Variants in ACACA observed in about 807,000 individuals in gnomAD.
ACACA encodes acetyl-CoA carboxylase 1.
Under a neutral mutation model 296.1 loss-of-function variants are expected in ACACA, and 103 were observed. The observed-to-expected ratio is 0.35, with a 90% CI of 0.30 to 0.41. The LOEUF (loss-of-function observed/expected upper bound fraction) is 0.41, where lower values mean the gene tolerates loss of function less well. Among genes scored for constraint, ACACA ranks in the 10% least tolerant of loss-of-function variants. The pLI, the probability that ACACA is intolerant of heterozygous loss-of-function variation, is 1.00. For missense variants in ACACA, 1,554 were observed against 2,989.7 expected (o/e 0.52, Z 11.20); for synonymous variants, 953 against 1,038.6 (o/e 0.92, Z 1.58).
At chr17:37,306,727 C>T (rs1598447208) in intron 3 of ACACA, among the ~76,000 whole-genome samples, 1 of 151,408 alleles carries the variant, frequency 6.6e-6, no homozygotes, top group East Asian at 1.9e-4. Flanking sequence ...TGGAGTCTTG[C>T]TCTGTCACCC....
chr17:37,096,824 C>T (rs539669297), intron 54 of ACACA, among the ~76,000 whole-genome samples, 172 bp downstream of exon 54: 1 of 152,224 alleles, frequency 6.6e-6, no homozygotes, highest in African/African-American at 2.4e-5. Context: ...AACAAGATGT[C>T]GTGACATGAC....
chr17:37,157,589 G>A (rs2076303454), intron 42 of ACACA, among the ~76,000 whole-genome samples: 1 of 132,720 alleles, frequency 7.5e-6, no homozygotes, highest in Non-Finnish European at 1.5e-5. Context: ...AGGCAGGAGT[G>A]CAGTGGTGCG....
intron 25 of ACACA, among the ~76,000 whole-genome samples, chr17:37,234,202 G>C (rs2079999740): frequency 6.6e-6 from 1 of 152,186 alleles, no homozygotes; most frequent in Admixed American, 6.5e-5. Context: ...GCAGCAGCAA[G>C]GCAAATGCTC....
At chr17:37,347,993 T>G (rs2048710104) in intron 1 of ACACA, among the ~76,000 whole-genome samples, 1 of 151,494 alleles carries the variant, frequency 6.6e-6, no homozygotes, top group Non-Finnish European at 1.5e-5. Flanking sequence ...GCCAACAGGG[T>G]GAAACCCCAA....
At chr17:37,161,686 AT>A in intron 42 of ACACA, 94 bp downstream of exon 42, 1 of 1,454,008 alleles carries the variant, frequency 6.9e-7, no homozygotes, top group Middle Eastern at 2.3e-4. Context: ...ATAAGTGGTG[AT>A]TTTTGAACTT....
At chr17:37,296,146 A>G (rs2083316492) in intron 3 of ACACA, among the ~76,000 whole-genome samples, 1 of 152,064 alleles carries the variant, frequency 6.6e-6, no homozygotes, top group Admixed American at 6.6e-5. Flanking sequence ...ATCCTATGTA[A>G]AGGAAGAGGA....
intron 10 of ACACA, among the ~76,000 whole-genome samples, chr17:37,264,160 T>C (rs1390634888): frequency 2.0e-5 from 3 of 152,068 alleles, no homozygotes; most frequent in Non-Finnish European, 4.4e-5. Context: ...AACAACAAAA[T>C]ATTTGAAAAC....
At chr17:37,213,901 CT>C (rs2078868954) in intron 29 of ACACA, among the ~76,000 whole-genome samples, 1 of 152,076 alleles carries the variant, frequency 6.6e-6, no homozygotes, top group African/African-American at 2.4e-5. Flanking sequence ...TCCCTTCCAG[CT>C]GAATTTCATT....
In ACACA at chr17:37,171,604, C is replaced by T. The variant is rs572915962; in HGVS notation, c.5079+7656G>A. ...TTAAGTCAAATATTGTATTTTAAGC[C>T]TTATGGCTTACTTCAAAAATGGCTG... On this transcript the variant is annotated intron_variant, in intron 41 of 55. Transcript: ENST00000616317. Among the ~76,000 whole-genome samples the T allele has an allele frequency of 2.9e-4, 44 of 152,202 alleles. 1 individual carries two copies. The highest frequency in any genetic ancestry group is 1.0e-3 in the African/African-American group (42 of 41,548).
intron 1 of ACACA, among the ~76,000 whole-genome samples, chr17:37,342,128 G>A (rs2048393930): frequency 6.6e-6 from 1 of 151,792 alleles, no homozygotes; most frequent in Admixed American, 6.6e-5. Flanking sequence ...ATATCATGTG[G>A]CCAGGCGCAG....
chr17:37,201,463 T>C (rs2078245394), intron 33 of ACACA, among the ~76,000 whole-genome samples: 1 of 150,328 alleles, frequency 6.7e-6, no homozygotes, highest in South Asian at 2.1e-4. Context: ...CAGACACCAG[T>C]AGTTTCAAGA....
intron 1 of ACACA, among the ~76,000 whole-genome samples, chr17:37,396,295 G>C (rs933721966): frequency 6.7e-6 from 1 of 149,302 alleles, no homozygotes; most frequent in African/African-American, 2.5e-5. Context: ...AGCTGAGATG[G>C]TGACACTGCA....
chr17:37,201,628 C>G (rs546134481), intron 33 of ACACA, among the ~76,000 whole-genome samples: 2 of 152,160 alleles, frequency 1.3e-5, no homozygotes, highest in East Asian at 3.9e-4. Context: ...ATTATAACAG[C>G]AAGCAGAAAA....
intron 1 of ACACA, among the ~76,000 whole-genome samples, chr17:37,401,586 G>T (rs754360096): frequency 6.9e-6 from 1 of 144,904 alleles, no homozygotes; most frequent in Non-Finnish European, 1.5e-5. Flanking sequence ...TCCAGACGAG[G>T]TCTCACTCTG....
intron 2 of ACACA, among the ~76,000 whole-genome samples, chr17:37,335,938 C>T (rs986294578): frequency 3.9e-5 from 6 of 152,060 alleles, no homozygotes; most frequent in South Asian, 4.1e-4. Context: ...AATTCAAGGT[C>T]GAATATAACG....
In ACACA at chr17:37,088,997, C is replaced by T. The variant is rs1161336047; in HGVS notation, c.6969G>A (p.Ser2323=). The change falls in exon 55 of 56, where the codon TCG becomes TCA. Residue 2323 remains serine, a synonymous_variant. Coordinates refer to ENST00000616317, the MANE Select transcript of ACACA (RefSeq NM_198834.3). The part of the protein sequence containing the change: ...KQLTEEDGVH[S]VIEENIKCIS... Reference sequence around the variant, plus strand: ...TGCATTTGATGTTTTCCTCTATTACCGAGTGAACACCATCCTCCTCTGTCA... The same window carrying T: ...TGCATTTGATGTTTTCCTCTATTACTGAGTGAACACCATCCTCCTCTGTCA... 9.3e-6 allele frequency: 15 copies of T among 1,614,024 alleles called. No homozygotes were observed. Among genetic ancestry groups the T allele is most frequent in the East Asian group, 8.9e-5 (4 of 44,884 alleles).
intron 52 of ACACA, among the ~76,000 whole-genome samples, chr17:37,101,096 A>C (rs9909663): frequency 6.0e-5 from 9 of 150,484 alleles, no homozygotes; most frequent in African/African-American, 2.2e-4. Flanking sequence ...GAAAAAAAAA[A>C]AAAAAAAAAG....
chr17:37,212,527 T>A (rs774178275), intron 29 of ACACA, among the ~76,000 whole-genome samples: 4 of 152,122 alleles, frequency 2.6e-5, no homozygotes, highest in African/African-American at 9.7e-5. Context: ...TCCACTTAGG[T>A]AGAATAAGAA....
chr17:37,183,288 T>C (rs763435053), intron 39 of ACACA, among the ~76,000 whole-genome samples: 11 of 152,204 alleles, frequency 7.2e-5, no homozygotes, highest in Non-Finnish European at 1.2e-4. Context: ...GCTACATATG[T>C]ATATTGCTGG....
Sources: gnomAD v4.1 joint callset for allele counts (sites outside exome capture counted in the v4.1 genomes callset) on GRCh38, gnomAD v4.1.1 for gene constraint, MANE v1.5 for transcripts, NCBI Gene and HGNC (gene_info 2026-07-23, HGNC 2026-07-21) for gene names.